The following PTPRD variants were observed in gnomAD, a reference collection of about 807,000 sequenced individuals.
PTPRD encodes the protein receptor-type tyrosine-protein phosphatase delta.
In PTPRD, 34 loss-of-function variants were observed where a neutral mutation model predicts 214.5. The observed-to-expected ratio is 0.16, with a 90% confidence interval of 0.12 to 0.21. PTPRD has a LOEUF of 0.21. Among genes scored for constraint, PTPRD ranks in the 10% least tolerant of loss-of-function variants. PTPRD has a pLI of 1.00. For missense variants in PTPRD, 2,545 were observed against 2,398.7 expected, an observed-to-expected ratio of 1.06 and a Z score of -1.27; for synonymous variants, 1,128 against 845.7, an observed-to-expected ratio of 1.33 and a Z score of -5.79.
At chr9:9,069,749 T>C (rs183336185) in intron 10 of PTPRD, among the ~76,000 whole-genome samples, 1 of 152,162 alleles carries the variant, frequency 6.6e-6, no homozygotes, top group African/African-American at 2.4e-5. Flanking sequence ...GAAGGAAACA[T>C]GTATACCTCT....
At chr9:10,078,609 G>A (rs902196531) in intron 3 of PTPRD, among the ~76,000 whole-genome samples, 1 of 151,320 alleles carries the variant, frequency 6.6e-6, no homozygotes, top group Non-Finnish European at 1.5e-5. Flanking sequence ...TCCCAATCAG[G>A]GGGTGTTTGG....
chr9:9,754,338 G>A (rs1183769046), intron 6 of PTPRD, among the ~76,000 whole-genome samples: 1 of 151,996 alleles, frequency 6.6e-6, no homozygotes, highest in Non-Finnish European at 1.5e-5. Context: ...AACTTTTACT[G>A]GAAGAAATAA....
At chr9:9,326,982 C>T (rs2040219691) in intron 9 of PTPRD, among the ~76,000 whole-genome samples, 1 of 152,076 alleles carries the variant, frequency 6.6e-6, no homozygotes, top group Admixed American at 6.6e-5. Flanking sequence ...CAGTGTATGG[C>T]TTTGAAAATA....
At chr9:9,779,499 A>G (rs967936470) in intron 5 of PTPRD, among the ~76,000 whole-genome samples, 3 of 152,216 alleles carry the variant, frequency 2.0e-5, no homozygotes, top group Non-Finnish European at 4.4e-5. Flanking sequence ...ACTTAAACAA[A>G]TGCAACAAGC....
intron 7 of PTPRD, among the ~76,000 whole-genome samples, chr9:9,652,305 G>T (rs889398787): frequency 6.6e-6 from 1 of 152,028 alleles, no homozygotes. Flanking sequence ...ATTCTCACAT[G>T]AATTTCCCAG....
intron 4 of PTPRD, among the ~76,000 whole-genome samples, chr9:9,955,426 T>C (rs2093818458): frequency 6.6e-6 from 1 of 152,182 alleles, no homozygotes; most frequent in Admixed American, 6.5e-5. Context: ...CTTGTCTTCT[T>C]ACCGTTTGTT....
chr9:8,496,131 T>C lies in PTPRD; in HGVS notation c.2349+1111A>G, dbSNP rs887350755. Among the ~76,000 whole-genome samples the C allele has an allele frequency of 2.0e-5, 3 of 151,246 alleles. No homozygotes were observed. The Admixed American group carries it at 2.0e-4, about 10-fold the overall frequency. On this transcript the variant is annotated intron_variant, in intron 26 of 45. Coordinates refer to ENST00000381196, the MANE Select transcript of PTPRD (RefSeq NM_002839.4). ...GTCTCAATGACTGGTTTTGCTGTGATCAACTTTAAAAAATATGTATGTTCC... is the reference window on the plus strand; with the variant it reads ...GTCTCAATGACTGGTTTTGCTGTGACCAACTTTAAAAAATATGTATGTTCC...
chr9:9,326,082 G>C (rs1363062672), intron 9 of PTPRD, among the ~76,000 whole-genome samples: 1 of 151,944 alleles, frequency 6.6e-6, no homozygotes, highest in Non-Finnish European at 1.5e-5. Context: ...ATGTGCCGCA[G>C]GATTCCATAT....
intron 7 of PTPRD, among the ~76,000 whole-genome samples, chr9:9,645,564 TG>T (rs567445474): frequency 5.3e-4 from 80 of 151,622 alleles, no homozygotes; most frequent in African/African-American, 1.9e-3. Context: ...GATTTTAAGC[TG>T]TAATCTATCC....
intron 12 of PTPRD, among the ~76,000 whole-genome samples, chr9:8,644,105 A>G (rs2096636726): frequency 6.6e-6 from 1 of 152,180 alleles, no homozygotes; most frequent in Non-Finnish European, 1.5e-5. Context: ...AGCTGCAAAA[A>G]GGCACGACTC....
At chr9:8,561,509 TGCACCCAGCTCAGCCATGG>T (rs1256370956) in intron 14 of PTPRD, among the ~76,000 whole-genome samples, 1 of 152,044 alleles carries the variant, frequency 6.6e-6, no homozygotes, top group Non-Finnish European at 1.5e-5. Context: ...TGGGCTAGGG[TGCACCCAGCTCAGCCATGG>T]GCCAAGCCGG....
Position 9,661,158 on chromosome 9 carries a change from A to G in PTPRD, c.-287+73375T>C, listed in dbSNP as rs536536260. 2.8e-3 allele frequency among the ~76,000 whole-genome samples: 426 copies of G among 152,038 alleles called. 2 individuals are homozygous for G. The highest frequency in any genetic ancestry group is 9.7e-3 in the African/African-American group (401 of 41,534). On this transcript the variant is annotated intron_variant, in intron 7 of 45. Coordinates refer to ENST00000381196, the MANE Select transcript of PTPRD (RefSeq NM_002839.4). The stretch of plus-strand genomic sequence containing the variant: ...AAACCTGTGCCATATATTTCCAATG[A>G]GAGGCTATGCAAATTTTCTATAAAT...
chr9:9,565,395 A>G (rs2084200948), intron 8 of PTPRD, among the ~76,000 whole-genome samples: 2 of 151,930 alleles, frequency 1.3e-5, no homozygotes, highest in South Asian at 2.1e-4. Context: ...AAAAAATTGC[A>G]TGTATTGAAT....
intron 8 of PTPRD, among the ~76,000 whole-genome samples, chr9:9,421,898 T>G (rs2078943243): frequency 6.6e-6 from 1 of 151,660 alleles, no homozygotes; most frequent in East Asian, 1.9e-4. Flanking sequence ...AATGAAAGTC[T>G]GATCCAGATT....
chr9:10,298,678 C>T (rs10959033), intron 3 of PTPRD, among the ~76,000 whole-genome samples: 17,674 of 151,778 alleles, frequency 0.12, 1,127 homozygotes, highest in African/African-American at 0.15. Context: ...TGAAAATTTA[C>T]ATATATACAT....
rs531912667 is a variant in PTPRD, at chr9:10,591,271, A to T, written c.-600+21127T>A. Among the ~76,000 whole-genome samples the T allele has an allele frequency of 7.2e-5, 11 of 152,062 alleles. 1 individual carries two copies. The highest frequency in any genetic ancestry group is 2.2e-4 in the African/African-American group (9 of 41,488). ...TTTGTTGGTGCATGTGTATGTGTGT[A>T]TGTCTGTGGTTTGACAGTGGCAGAC... On this transcript the variant is annotated intron_variant, in intron 2 of 45. Transcript: ENST00000381196.
intron 7 of PTPRD, among the ~76,000 whole-genome samples, chr9:9,621,542 T>C (rs1371649878): frequency 6.6e-6 from 1 of 152,222 alleles, no homozygotes; most frequent in Non-Finnish European, 1.5e-5. Flanking sequence ...GATGCTCTCC[T>C]GTGGATGTGA....
intron 12 of PTPRD, among the ~76,000 whole-genome samples, chr9:8,707,000 CT>C (rs752043924): frequency 5.9e-5 from 9 of 152,152 alleles, no homozygotes; most frequent in Middle Eastern, 3.2e-3. Flanking sequence ...CTGAGTTTTA[CT>C]ATTTTATTAC....
intron 7 of PTPRD, among the ~76,000 whole-genome samples, chr9:9,667,517 A>G (rs954205735): frequency 6.6e-6 from 1 of 152,138 alleles, no homozygotes; most frequent in African/African-American, 2.4e-5. Context: ...GTAAGGAAGT[A>G]TTATTTAAAT....
Sources: allele counts gnomAD v4.1 joint callset (sites outside exome capture counted in the v4.1 genomes callset), GRCh38; gene constraint gnomAD v4.1.1; transcripts MANE v1.5; gene names NCBI Gene and HGNC (gene_info 2026-07-23, HGNC 2026-07-21).